The following GMEB2 variants were observed in gnomAD, a reference collection of about 807,000 sequenced individuals.
GMEB2 encodes the protein glucocorticoid modulatory element-binding protein 2.
A neutral mutation model predicts 45.7 loss-of-function variants in GMEB2; 7 were observed. The ratio of observed to expected loss-of-function variants is 0.15; its 90% CI spans 0.09 to 0.29. GMEB2 has a LOEUF of 0.29. Among genes scored for constraint, GMEB2 ranks in the 10% least tolerant of loss-of-function variants. The pLI, the probability that GMEB2 is intolerant of heterozygous loss-of-function variation, is 1.00. For missense variants in GMEB2, 582 were observed against 739.2 expected (o/e 0.79, Z 2.47); for synonymous variants, 322 against 323.6 (o/e 1.00, Z 0.05).
At position 63,590,192 on chromosome 20, in the gene GMEB2, G is replaced by C. The variant is rs1396687426; in HGVS notation, c.1490C>G (p.Ser497Cys). 1 of 1,604,852 alleles carries C rather than the reference G, an allele frequency of 6.2e-7. No individual in the cohort carries two copies. Among genetic ancestry groups the C allele is most frequent in the South Asian group, 1.1e-5 (1 of 90,494 alleles). Residue 497 changes from serine to cysteine, a missense_variant, in exon 10 of 10, where the codon TCC becomes TGC. Physicochemically the swap from Ser to Cys is moderately radical, Grantham distance 112 (BLOSUM62 -1). Transcript: ENST00000370077. The part of the protein sequence containing the change: ...LQNVAQASPG[S>C]STIVTVPAGA... The stretch of plus-strand genomic sequence containing the variant: ...TGCGGGCACTGTCACAATTGTGCTG[G>C]AGCCAGGCGAGGCCTGGGCCACGTT...
rs1601001551 is a variant in GMEB2 at position 63,590,576 on chromosome 20, G to A, written c.1106C>T (p.Ala369Val). The change falls in exon 10 of 10, where the codon GCC becomes GTC. Residue 369 changes from alanine to valine, a missense_variant. By Grantham distance (64) the Ala-to-Val change is moderately conservative (BLOSUM62 0). Transcript: ENST00000370077. ...GGTGAGCACCTGCGAGGCCATGGCG[G>A]CCGGTCCTGATGTGGCACGTGCAAG... ...PRLARATSGPAAMASQVLTQS... is the reference protein window; with the variant it reads ...PRLARATSGPVAMASQVLTQS... 6.3e-7 allele frequency: 1 copy of A among 1,574,812 alleles called. No homozygotes were observed. The highest frequency in any genetic ancestry group is 8.6e-7 in the Non-Finnish European group (1 of 1,159,100).
intron 5 of GMEB2, 94 bp from the exon 6 acceptor site, chr20:63,595,861 G>A (rs919377831): frequency 3.4e-6 from 4 of 1,166,196 alleles, no homozygotes; most frequent in East Asian, 4.8e-5. Flanking sequence ...ACCTGCGTGG[G>A]GCAGGCCTAG....
intron 1 of GMEB2, among the ~76,000 whole-genome samples, chr20:63,624,781 C>T (rs1220334553): frequency 1.3e-5 from 2 of 152,204 alleles, no homozygotes; most frequent in African/African-American, 2.4e-5. Context: ...GATCTCGGCT[C>T]AATGCAAGCT....
At chr20:63,601,986 G>C (rs1207535671) in intron 4 of GMEB2, among the ~76,000 whole-genome samples, 1 of 149,284 alleles carries the variant, frequency 6.7e-6, no homozygotes, top group Admixed American at 6.7e-5. Context: ...GCTTCTGTGG[G>C]GCCTGTGGCT....
At position 63,599,930 on chromosome 20, in the gene GMEB2, T is replaced by C. The variant is rs141468288; in HGVS notation, c.358-2070A>G. Among the ~76,000 whole-genome samples, 1,205 of 152,314 alleles carry C rather than the reference T, an allele frequency of 7.9e-3. 14 individuals carry two copies. Among genetic ancestry groups the C allele is most frequent in the African/African-American group, 0.028 (1,158 of 41,558 alleles). On this transcript the variant is annotated intron_variant, in intron 4 of 9. Coordinates refer to ENST00000370077, the MANE Select transcript of GMEB2 (RefSeq NM_012384.5). Reference sequence around the variant, plus strand: ...ATATTTCCTAAGAACAAGCTTCTCTTACGCAGCCACAGAACAACTCGCATC... The same window carrying C: ...ATATTTCCTAAGAACAAGCTTCTCTCACGCAGCCACAGAACAACTCGCATC...
intron 2 of GMEB2, among the ~76,000 whole-genome samples, chr20:63,616,213 G>A (rs1238239068): frequency 1.3e-5 from 2 of 152,168 alleles, no homozygotes; most frequent in Non-Finnish European, 2.9e-5. Context: ...GGAGGCTGAG[G>A]CAGGCAGATC....
chr20:63,592,806 G>A lies in GMEB2; in HGVS notation c.692-136C>T. The A allele has an allele frequency of 1.2e-6, 1 of 826,128 alleles. No individual in the cohort carries two copies. The highest frequency in any genetic ancestry group is 2.1e-6 in the Non-Finnish European group (1 of 487,386). 51.2% of individuals were successfully genotyped at this position (826,128 alleles called of 1,614,324 possible). On this transcript the variant is annotated intron_variant, in intron 7 of 9. Coordinates refer to ENST00000370077, the MANE Select transcript of GMEB2 (RefSeq NM_012384.5). This position sits in a 1 kb window ranked among gnomAD's most constrained non-coding sequence, Gnocchi z 8.2. Reference sequence around the variant, plus strand: ...CAGCGCCTGGCACTGTGCTGGGCTTGCACTGCCCAGACACATCCACAGTGC... The same window carrying A: ...CAGCGCCTGGCACTGTGCTGGGCTTACACTGCCCAGACACATCCACAGTGC...
At chr20:63,622,093 C>T (rs926191681) in intron 1 of GMEB2, among the ~76,000 whole-genome samples, 1 of 151,632 alleles carries the variant, frequency 6.6e-6, no homozygotes, top group Non-Finnish European at 1.5e-5. Flanking sequence ...TGTGCCACTG[C>T]GCTCCAGCCT....
rs1259629449 is a variant in GMEB2 at position 63,590,710 on chromosome 20, A to G, written c.972T>C (p.Asp324=). The change falls in exon 10 of 10, where the codon GAT becomes GAC. Residue 324 remains aspartate (D), a synonymous_variant. Coordinates refer to ENST00000370077, the MANE Select transcript of GMEB2 (RefSeq NM_012384.5). The part of the protein sequence containing the change: ...RDLAALEQQC[D]EHRRRAKELK... ...GCTCCTTGGCTCGGCGACGATGCTC[A>G]TCACACTGCTGCTCCAGGGCTGCAG... 6.6e-7 allele frequency: 1 copy of G among 1,517,164 alleles called. No individual in the cohort carries two copies. Among genetic ancestry groups the G allele is most frequent in the South Asian group, 1.3e-5 (1 of 76,656 alleles). The allele number at this position is 1,517,164 out of a possible 1,614,324, so 94.0% of individuals were successfully genotyped here. A position where few individuals can be genotyped will look rare whatever the true frequency, so the allele number is the denominator to read the frequency against.
At position 63,590,679 on chromosome 20, in the gene GMEB2, G is replaced by A; in HGVS notation, c.1003C>T (p.His335Tyr). The change falls in exon 10 of 10, where the codon CAC becomes TAC. Residue 335 changes from histidine to tyrosine, a missense_variant. Physicochemically the swap from His to Tyr is moderately conservative, Grantham distance 83 (BLOSUM62 2). This residue lies in a region of GMEB2 where 462 missense variants were observed against 586.7 expected (regional missense o/e 0.79). Coordinates refer to ENST00000370077, the MANE Select transcript of GMEB2 (RefSeq NM_012384.5). ...ACGTTGCTGAGGTGCTGGGACTTGT[G>A]CTTCAGCTCCTTGGCTCGGCGACGA... The part of the protein sequence containing the change: ...EHRRRAKELK[H>Y]KSQHLSNVLM... 1 of 1,536,576 alleles carries A rather than the reference G, an allele frequency of 6.5e-7. No homozygotes were observed.
At chr20:63,614,420 G>T (rs929792177) in intron 2 of GMEB2, among the ~76,000 whole-genome samples, 1 of 152,224 alleles carries the variant, frequency 6.6e-6, no homozygotes, top group Non-Finnish European at 1.5e-5. Context: ...TAGCGGTAAC[G>T]CCAGCATCTG....
At chr20:63,604,053 CAAAAAAAAAAAAAAA>C (rs34930799) in intron 3 of GMEB2, among the ~76,000 whole-genome samples, 1 of 69,656 alleles carries the variant, frequency 1.4e-5, no homozygotes, top group Non-Finnish European at 3.0e-5. Context: ...GACTCCGTCT[CAAAAAAAAAAAAAAA>C]AACAGAATTT....
chr20:63,592,512 A>G lies in GMEB2; in HGVS notation c.829+21T>C. 6.3e-7 allele frequency: 1 copy of G among 1,594,038 alleles called. No homozygotes were observed. The highest frequency in any genetic ancestry group is 8.6e-7 in the Non-Finnish European group (1 of 1,165,090). ...ACTCCTGGGCTGAGTAGCCAGCAAG[A>G]GGGAAGATGCAGCTTCTCACCTCGA... is the stretch of plus-strand genomic sequence containing the variant. On this transcript the variant is annotated intron_variant, in intron 8 of 9. Coordinates refer to ENST00000370077, the MANE Select transcript of GMEB2 (RefSeq NM_012384.5). The surrounding 1 kb of genome is among the most constrained non-coding windows in gnomAD (Gnocchi z 8.2).
intron 4 of GMEB2, 85 bp from the exon 5 acceptor site, chr20:63,597,945 C>A (rs1018160158): frequency 1.2e-6 from 1 of 807,670 alleles, no homozygotes; most frequent in Non-Finnish European, 2.2e-6. Context: ...CTGAGTCAGG[C>A]GCGCAAGGCA....
intron 2 of GMEB2, among the ~76,000 whole-genome samples, chr20:63,605,574 A>T (rs973937021): frequency 6.7e-6 from 1 of 150,332 alleles, no homozygotes; most frequent in African/African-American, 2.4e-5. Flanking sequence ...AGGTCTGAGC[A>T]CTGATGGGGA....
In GMEB2 at chr20:63,592,286, C is replaced by T; in HGVS notation, c.830-142G>A. 10 of 799,210 alleles carry T rather than the reference C, an allele frequency of 1.3e-5. No individual in the cohort carries two copies. The South Asian group carries it at 1.4e-4, about 11-fold the overall frequency. 49.5% of individuals were successfully genotyped at this position (799,210 alleles called of 1,614,324 possible). A position where few individuals can be genotyped will look rare whatever the true frequency, so the allele number is the denominator to read the frequency against. ...CTGGGCTCTTCCTAGAGAGTGAGAACACCACCACTGAGGCTGCTCCTCAGG... is the reference window on the plus strand; with the variant it reads ...CTGGGCTCTTCCTAGAGAGTGAGAATACCACCACTGAGGCTGCTCCTCAGG... On this transcript the variant is annotated intron_variant, in intron 8 of 9. Transcript: ENST00000370077. The surrounding 1 kb of genome is among the most constrained non-coding windows in gnomAD (Gnocchi z 8.2).
At chr20:63,626,639 G>A (rs1385363996) in intron 1 of GMEB2, among the ~76,000 whole-genome samples, 2 of 151,768 alleles carry the variant, frequency 1.3e-5, no homozygotes, top group African/African-American at 2.4e-5. Flanking sequence ...TGGTCCCTGC[G>A]GGTCGCACCC....
In GMEB2 at chr20:63,619,285, G is replaced by C. The variant is rs1364477158; in HGVS notation, c.113C>G (p.Thr38Ser). 6.2e-7 allele frequency: 1 copy of C among 1,611,138 alleles called. No individual in the cohort carries two copies. The highest frequency in any genetic ancestry group is 8.5e-7 in the Non-Finnish European group (1 of 1,179,394). Residue 38 changes from threonine (T) to serine (S), a missense_variant, in exon 2 of 10, where the codon ACC (threonine) becomes AGC (serine). Physicochemically the swap from Thr to Ser is moderately conservative, Grantham distance 58. Transcript: ENST00000370077. This position sits in a 1 kb window ranked among gnomAD's most constrained non-coding sequence, Gnocchi z 4.6. ...AGCTTACCCGTGAGGGGCCAAGTTGGTCGTCACCAACACGGTCTTCACCCC... is the reference window on the plus strand; with the variant it reads ...AGCTTACCCGTGAGGGGCCAAGTTGCTCGTCACCAACACGGTCTTCACCCC... ...VEGVKTVLVTTNLAPHGGDLT... is the reference protein window; with the variant it reads ...VEGVKTVLVTSNLAPHGGDLT...
chr20:63,602,689 C>G (rs527961338), intron 4 of GMEB2, among the ~76,000 whole-genome samples: 22 of 152,314 alleles, frequency 1.4e-4, no homozygotes, highest in African/African-American at 4.6e-4. Flanking sequence ...AAAGAGGCAG[C>G]CTTTTTGGAG....
Sources: gnomAD v4.1 joint callset for allele counts (sites outside exome capture counted in the v4.1 genomes callset) on GRCh38, gnomAD v4.1.1 for gene constraint, gnomAD v4.1.1 regional missense constraint, Gnocchi (gnomAD v3.1) non-coding constraint, MANE v1.5 for transcripts, NCBI Gene and HGNC (gene_info 2026-07-23, HGNC 2026-07-21) for gene names.